FNDC3B: variants seen among roughly 807,000 people sequenced by gnomAD.
The protein encoded by FNDC3B is fibronectin type III domain containing 3B, also known as fibronectin type III domain-containing protein 3B.
Under a neutral mutation model 151.5 loss-of-function variants are expected in FNDC3B, and 12 were observed. The ratio of observed to expected loss-of-function variants is 0.08; its 90% CI spans 0.05 to 0.13. The LOEUF is 0.13. Ranked by LOEUF, FNDC3B falls within the 10% of genes least tolerant of loss-of-function variation. The pLI, the probability that FNDC3B is intolerant of heterozygous loss-of-function variation, is 1.00. For missense variants in FNDC3B, 1,214 were observed against 1,505.3 expected (o/e 0.81, Z 3.20); for synonymous variants, 528 against 549.0 (o/e 0.96, Z 0.54).
chr3:172,068,655 C>T (rs905955664), intron 1 of FNDC3B, among the ~76,000 whole-genome samples: 10 of 152,064 alleles, frequency 6.6e-5, no homozygotes, highest in Admixed American at 5.2e-4. Flanking sequence ...AAACTCCTGA[C>T]GTCAGATGAT....
chr3:172,056,727 C>T (rs1716936717), intron 1 of FNDC3B, among the ~76,000 whole-genome samples: 1 of 152,204 alleles, frequency 6.6e-6, no homozygotes, highest in Non-Finnish European at 1.5e-5. Flanking sequence ...TGACTACAGA[C>T]AGATTTAATT....
At chr3:172,286,924 G>A (rs1730049943) in intron 7 of FNDC3B, among the ~76,000 whole-genome samples, 1 of 152,202 alleles carries the variant, frequency 6.6e-6, no homozygotes, top group Admixed American at 6.5e-5. Context: ...CCTGGTGAAA[G>A]GCTATGGGAG....
intron 3 of FNDC3B, among the ~76,000 whole-genome samples, chr3:172,217,824 G>A (rs539994083): frequency 3.9e-5 from 6 of 152,076 alleles, no homozygotes; most frequent in Non-Finnish European, 8.8e-5. Context: ...AACAAAACAA[G>A]TTCAAAGAGG....
chr3:172,106,458 C>T (rs1356497103), intron 1 of FNDC3B, among the ~76,000 whole-genome samples: 2 of 152,160 alleles, frequency 1.3e-5, no homozygotes, highest in East Asian at 3.8e-4. Flanking sequence ...GGGTTTGGTT[C>T]TGATGGGTAT....
In FNDC3B at chr3:172,302,552, T is replaced by C. The variant is rs576058901; in HGVS notation, c.1061+3765T>C. The C allele has an allele frequency of 1.2e-3, 181 of 152,380 alleles. 1 individual carries two copies. The highest frequency in any genetic ancestry group is 4.1e-3 in the African/African-American group (171 of 41,586). The allele number at this position is 152,380 out of a possible 1,614,324, so 9.4% of individuals were successfully genotyped here. On this transcript the variant is annotated intron_variant, in intron 9 of 25. Coordinates refer to ENST00000415807, the MANE Select transcript of FNDC3B (RefSeq NM_022763.4). ...ACTATGAGGTTTTGTGTATCATTCT[T>C]ACACGTCTGTTCAGTCACTATTCTT...
intron 22 of FNDC3B, among the ~76,000 whole-genome samples, chr3:172,355,929 C>T (rs1293776461): frequency 6.6e-6 from 1 of 152,200 alleles, no homozygotes; most frequent in Non-Finnish European, 1.5e-5. Context: ...CCTTGTTCTC[C>T]ATACTGAGCA....
intron 5 of FNDC3B, 35 bp from the exon 6 acceptor site, chr3:172,251,225 A>C: frequency 6.6e-7 from 1 of 1,507,142 alleles, no homozygotes; most frequent in Non-Finnish European, 9.1e-7. Context: ...GAAAATGTAA[A>C]CTGAGTTTGG....
At chr3:172,085,229 G>A (rs1718488577) in intron 1 of FNDC3B, among the ~76,000 whole-genome samples, 1 of 152,138 alleles carries the variant, frequency 6.6e-6, no homozygotes, top group African/African-American at 2.4e-5. Context: ...TTTGCGTTTG[G>A]TTTTGTAGAG....
intron 1 of FNDC3B, among the ~76,000 whole-genome samples, chr3:172,093,630 C>G (rs1220893549): frequency 6.6e-6 from 1 of 152,112 alleles, no homozygotes; most frequent in Non-Finnish European, 1.5e-5. Flanking sequence ...AACTCCTGGC[C>G]TCAGGCTGTC....
chr3:172,391,974 T>G (rs1322217096), intron 25 of FNDC3B, among the ~76,000 whole-genome samples: 1 of 140,428 alleles, frequency 7.1e-6, no homozygotes, highest in Non-Finnish European at 1.5e-5. Flanking sequence ...AACTAAAAGC[T>G]ATCTTTAAAG....
chr3:172,193,007 G>C (rs1724612719), intron 3 of FNDC3B, among the ~76,000 whole-genome samples: 2 of 151,996 alleles, frequency 1.3e-5, no homozygotes, highest in Admixed American at 1.3e-4. Context: ...TGTCTTAAAT[G>C]TCTGCTTGTG....
At chr3:172,380,849 C>G (rs934995853) in intron 24 of FNDC3B, 117 bp from the exon 25 acceptor site, 2 of 1,203,700 alleles carry the variant, frequency 1.7e-6, no homozygotes, top group African/African-American at 3.0e-5. Flanking sequence ...GCTCCTCTCT[C>G]AGGGCAAACA....
At position 172,299,069 on chromosome 3, in the gene FNDC3B, A is replaced by G. The variant is rs186085981; in HGVS notation, c.1061+282A>G. ...AAGATCTATTGGACTATGGTTTAACAGTTTCTTTCTGTAAAACAAATGAAA... is the reference window on the plus strand; with the variant it reads ...AAGATCTATTGGACTATGGTTTAACGGTTTCTTTCTGTAAAACAAATGAAA... On this transcript the variant is annotated intron_variant, in intron 9 of 25. Coordinates refer to ENST00000415807, the MANE Select transcript of FNDC3B (RefSeq NM_022763.4). Among the ~76,000 whole-genome samples the G allele has an allele frequency of 1.8e-3, 268 of 152,372 alleles. 1 individual carries two copies. Among genetic ancestry groups the G allele is most frequent in the African/African-American group, 6.1e-3 (253 of 41,588 alleles).
chr3:172,367,502 C>T (rs759455585), intron 23 of FNDC3B, among the ~76,000 whole-genome samples: 2 of 152,144 alleles, frequency 1.3e-5, no homozygotes, highest in African/African-American at 4.8e-5. Flanking sequence ...CTTTGGTTCC[C>T]GTGTTATACA....
At chr3:172,208,991 G>C (rs1725576609) in intron 3 of FNDC3B, among the ~76,000 whole-genome samples, 1 of 152,150 alleles carries the variant, frequency 6.6e-6, no homozygotes, top group African/African-American at 2.4e-5. Flanking sequence ...AAAGCTTGGA[G>C]ATGCCAGGAA....
chr3:172,216,374 T>C (rs1323585927), intron 3 of FNDC3B, among the ~76,000 whole-genome samples: 1 of 152,182 alleles, frequency 6.6e-6, no homozygotes, highest in Non-Finnish European at 1.5e-5. Context: ...TTCATTTAAA[T>C]AAGTTTAACT....
chr3:172,223,028 C>A (rs1576812522), intron 3 of FNDC3B, among the ~76,000 whole-genome samples: 4 of 152,312 alleles, frequency 2.6e-5, no homozygotes. Flanking sequence ...AAGCGGCTCT[C>A]CAACCTTTCT....
At chr3:172,082,069 A>G (rs1271455451) in intron 1 of FNDC3B, among the ~76,000 whole-genome samples, 1 of 152,196 alleles carries the variant, frequency 6.6e-6, no homozygotes, top group Non-Finnish European at 1.5e-5. Flanking sequence ...ATATGTTGAG[A>G]TGCAAGTCAG....
At chr3:172,379,684 A>C (rs928017111) in intron 24 of FNDC3B, among the ~76,000 whole-genome samples, 11 of 152,222 alleles carry the variant, frequency 7.2e-5, no homozygotes, top group Non-Finnish European at 1.6e-4. Flanking sequence ...GTTATAACAC[A>C]AAAGATGTCT....
Sources: allele counts gnomAD v4.1 joint callset (sites outside exome capture counted in the v4.1 genomes callset), GRCh38; gene constraint gnomAD v4.1.1; transcripts MANE v1.5; gene names NCBI Gene and HGNC (gene_info 2026-07-23, HGNC 2026-07-21).